DNAH3: variants seen among roughly 807,000 people sequenced by gnomAD.
DNAH3 encodes dynein axonemal heavy chain 3, also known as axonemal beta dynein heavy chain 3.
A neutral mutation model predicts 432.5 loss-of-function variants in DNAH3; 332 were observed. That is an observed-to-expected ratio of 0.77 (90% confidence interval 0.70 to 0.84). DNAH3 has a LOEUF of 0.84. Ranked by LOEUF, DNAH3 falls within the 40% of genes least tolerant of loss-of-function variation. The pLI, the probability that DNAH3 is intolerant of heterozygous loss-of-function variation, is 0.00. For synonymous variants in DNAH3, 1,956 were observed against 1,900.2 expected (o/e 1.03, Z -0.76); for missense variants, 4,861 against 5,114.0 (o/e 0.95, Z 1.51).
chr16:20,947,284 G>T (rs1247018298), intron 57 of DNAH3, among the ~76,000 whole-genome samples: 9 of 152,058 alleles, frequency 5.9e-5, no homozygotes, highest in Admixed American at 5.9e-4. Flanking sequence ...ACCCAGGGAG[G>T]GCATGGAAGT....
intron 52 of DNAH3, among the ~76,000 whole-genome samples, chr16:20,968,518 T>A (rs1358119207): frequency 6.6e-6 from 1 of 152,194 alleles, no homozygotes; most frequent in East Asian, 1.9e-4. Context: ...TAATGCAAAG[T>A]CCTACACCTA....
chr16:21,059,374 T>C (rs1010954278), intron 26 of DNAH3, among the ~76,000 whole-genome samples: 5 of 152,210 alleles, frequency 3.3e-5, no homozygotes, highest in Admixed American at 2.6e-4. Flanking sequence ...CATTTTACAA[T>C]GCAAATACTG....
At chr16:21,082,712 C>T in intron 19 of DNAH3, among the ~76,000 whole-genome samples, 1 of 151,868 alleles carries the variant, frequency 6.6e-6, no homozygotes, top group Non-Finnish European at 1.5e-5. Flanking sequence ...GCCTGCAATC[C>T]CAGCTACTTG....
intron 29 of DNAH3, among the ~76,000 whole-genome samples, chr16:21,050,950 C>T (rs2152743216): frequency 6.6e-6 from 1 of 152,144 alleles, no homozygotes; most frequent in South Asian, 2.1e-4. Flanking sequence ...CTCTCCCGAC[C>T]CCCCAGTTAG....
At chr16:20,981,778 T>C (rs939384127) in intron 49 of DNAH3, among the ~76,000 whole-genome samples, 1 of 151,824 alleles carries the variant, frequency 6.6e-6, no homozygotes, top group Non-Finnish European at 1.5e-5. Context: ...TTGAACCTAC[T>C]GTGTGCCAAG....
intron 44 of DNAH3, among the ~76,000 whole-genome samples, chr16:20,989,081 T>C (rs185759970): frequency 3.3e-5 from 5 of 152,302 alleles, no homozygotes; most frequent in East Asian, 3.9e-4. Context: ...AGAACAAAGC[T>C]TCCACAGTGC....
intron 17 of DNAH3, among the ~76,000 whole-genome samples, chr16:21,098,078 T>G (rs1477159604): frequency 6.6e-6 from 1 of 152,196 alleles, no homozygotes; most frequent in Admixed American, 6.5e-5. Context: ...CTATAATTTC[T>G]TCTTTGGATG....
At chr16:21,111,944 T>C (rs1450344001) in intron 13 of DNAH3, 49 bp downstream of exon 13, 5 of 1,561,286 alleles carry the variant, frequency 3.2e-6, no homozygotes, top group Non-Finnish European at 4.4e-6. Flanking sequence ...CATTGGATTG[T>C]CTGCAGCACA....
chr16:21,132,140 G>T lies in DNAH3; in HGVS notation c.1082+2119C>A, dbSNP rs573860549. Among the ~76,000 whole-genome samples the T allele has an allele frequency of 3.9e-5, 6 of 152,170 alleles. No individual in the cohort carries two copies. The East Asian group carries it at 1.2e-3, about 29-fold the overall frequency. On this transcript the variant is annotated intron_variant, in intron 7 of 61. Coordinates refer to ENST00000261383, the Ensembl canonical transcript of DNAH3. ...AATACAGCTATTTCTTTTCACTGAT[G>T]GGCTCTGTCCTACGTTGACTTCACC...
chr16:20,950,747 A>G (rs1381800795), intron 56 of DNAH3, among the ~76,000 whole-genome samples: 7 of 152,118 alleles, frequency 4.6e-5, no homozygotes, highest in Non-Finnish European at 1.0e-4. Context: ...CATTTAGCAC[A>G]TGTCTATTCT....
exon 45 of DNAH3, chr16:20,988,043 A>G: frequency 6.2e-7 from 1 of 1,614,172 alleles, no homozygotes; most frequent in South Asian, 1.1e-5. Context: ...TGGAAATGAT[A>G]TTCAGATGGC....
At chr16:21,107,200 C>T (rs574601415) in intron 14 of DNAH3, among the ~76,000 whole-genome samples, 1 of 149,958 alleles carries the variant, frequency 6.7e-6, no homozygotes, top group Non-Finnish European at 1.5e-5. Context: ...CAATTCATCA[C>T]ATTTTGTGTT....
intron 18 of DNAH3, among the ~76,000 whole-genome samples, chr16:21,095,039 T>G (rs2091639061): frequency 6.6e-6 from 1 of 152,194 alleles, no homozygotes; most frequent in Non-Finnish European, 1.5e-5. Context: ...CTCAGGTATT[T>G]CTTCATAGCA....
rs1459120190 is a variant in DNAH3 at position 21,054,405 on chromosome 16, A to G, written c.4039+15T>C. Reference sequence around the variant, plus strand: ...CTGGATAGTCAGTAATGACAGGGGAAGCCCCCTGGCTTACCGTGGACATCG... The same window carrying G: ...CTGGATAGTCAGTAATGACAGGGGAGGCCCCCTGGCTTACCGTGGACATCG... On this transcript the variant is annotated intron_variant, in intron 28 of 61. Coordinates refer to ENST00000261383, the Ensembl canonical transcript of DNAH3. The G allele has an allele frequency of 6.3e-7, 1 of 1,590,548 alleles. No individual in the cohort carries two copies. The highest frequency in any genetic ancestry group is 2.2e-5 in the East Asian group (1 of 44,792).
chr16:21,019,387 T>C (rs2088033332), intron 41 of DNAH3: 1 of 537,946 alleles, frequency 1.9e-6, no homozygotes, highest in East Asian at 3.4e-5. Context: ...CTTGAACTGC[T>C]GACCTCAAGT....
chr16:21,056,824 T>C (rs142425585), intron 27 of DNAH3, among the ~76,000 whole-genome samples: 1 of 152,228 alleles, frequency 6.6e-6, no homozygotes, highest in East Asian at 1.9e-4. Flanking sequence ...AAGTCAGAGA[T>C]ACCATCACAA....
At chr16:20,936,845 T>A in exon 60 of DNAH3, 1 of 1,610,570 alleles carries the variant, frequency 6.2e-7, no homozygotes, top group South Asian at 1.1e-5. Flanking sequence ...CCGAACCACT[T>A]TGGTCAGCCT....
chr16:20,967,986 A>C (rs8046869), intron 52 of DNAH3, among the ~76,000 whole-genome samples: 45 of 152,238 alleles, frequency 3.0e-4, no homozygotes, highest in African/African-American at 1.1e-3. Flanking sequence ...CCTCTGCTTT[A>C]TGTGAGTTTA....
At chr16:20,960,316 T>A (rs1351921930) in intron 53 of DNAH3, among the ~76,000 whole-genome samples, 2 of 152,130 alleles carry the variant, frequency 1.3e-5, no homozygotes, top group African/African-American at 2.4e-5. Flanking sequence ...TTTGCACTCA[T>A]AAGAGGTGGG....
Sources: allele counts gnomAD v4.1 joint callset (sites outside exome capture counted in the v4.1 genomes callset), GRCh38; gene constraint gnomAD v4.1.1; transcripts MANE v1.5; gene names NCBI Gene and HGNC (gene_info 2026-07-23, HGNC 2026-07-21).